The following MRM1 variants were observed in gnomAD, a reference collection of about 807,000 sequenced individuals.
MRM1 encodes rRNA methyltransferase 1, mitochondrial.
MRM1 carries 24 observed loss-of-function variants against 25.0 expected under a neutral mutation model. The observed-to-expected ratio is 0.96, with a 90% CI of 0.69 to 1.35. The LOEUF is 1.35. Among genes scored for constraint, MRM1 ranks in the 40% most tolerant of loss-of-function variants. MRM1 has a pLI of 0.00. For synonymous variants in MRM1, 188 were observed against 199.2 expected (o/e 0.94, Z 0.47); for missense variants, 431 against 464.1 (o/e 0.93, Z 0.65).
the MRM1 span, among the ~76,000 whole-genome samples, chr17:36,630,412 G>A: frequency 1.3e-5 from 2 of 152,156 alleles, no homozygotes; most frequent in Non-Finnish European, 2.9e-5. Context: ...CCGCTTGCCC[G>A]CTCTTTGTCT....
the MRM1 span, among the ~76,000 whole-genome samples, chr17:36,623,588 A>T: frequency 6.6e-6 from 1 of 152,188 alleles, no homozygotes; most frequent in Non-Finnish European, 1.5e-5. Flanking sequence ...TGACCCATTC[A>T]GTTCATCCCT....
the MRM1 span, among the ~76,000 whole-genome samples, chr17:36,625,487 A>G: frequency 1.6e-5 from 1 of 63,958 alleles, no homozygotes; most frequent in East Asian, 2.5e-4. Flanking sequence ...TTTTTTGAGA[A>G]AGAGTCTTAC....
the MRM1 span, among the ~76,000 whole-genome samples, chr17:36,613,965 T>C: frequency 5.9e-5 from 9 of 152,064 alleles, no homozygotes; most frequent in Middle Eastern, 0.01. Flanking sequence ...CTACCTACCA[T>C]GTAGGCTTAA....
chr17:36,629,731 G>A, the MRM1 span, among the ~76,000 whole-genome samples: 1 of 151,710 alleles, frequency 6.6e-6, no homozygotes, highest in Admixed American at 6.6e-5. Context: ...GATGGGGTGG[G>A]GGGGGGCACA....
chr17:36,608,486 G>T lies in MRM1; in HGVS notation c.*71G>T. 8.0e-7 allele frequency: 1 copy of T among 1,247,082 alleles called. No homozygotes were observed. Among genetic ancestry groups the T allele is most frequent in the Non-Finnish European group, 1.1e-6 (1 of 934,184 alleles). The allele number at this position is 1,247,082 out of a possible 1,614,324, so 77.3% of individuals were successfully genotyped here. A position where few individuals can be genotyped will look rare whatever the true frequency, so the allele number is the denominator to read the frequency against. On this transcript the variant is annotated 3_prime_UTR_variant, in exon 5 of 5. Coordinates refer to ENST00000614766, the MANE Select transcript of MRM1 (RefSeq NM_024864.5). ...CACCTGCCTCCGCCGGCTCCAGTGT[G>T]CGGGGAGCCTCTGCCTGAGTGTGCA...
In MRM1 at chr17:36,607,706, G is replaced by T. The variant is rs755056643; in HGVS notation, c.673G>T (p.Val225Leu). The change falls in exon 3 of 5, where the codon GTG becomes TTG. Residue 225 changes from valine (V) to leucine (L), a missense_variant. By Grantham distance (32) the Val-to-Leu change is conservative (BLOSUM62 1). Coordinates refer to ENST00000614766, the MANE Select transcript of MRM1 (RefSeq NM_024864.5). ...AQQGWLVAGT[V>L]GCPSTEDPQS... is the part of the protein sequence containing the mutation. ...GCAGGGCTGGCTCGTGGCCGGCACG[G>T]TGGGCTGCCCAAGCACAGAGGATCC... The T allele has an allele frequency of 6.2e-7, 1 of 1,614,154 alleles. No homozygotes were observed. The highest frequency in any genetic ancestry group is 8.5e-7 in the Non-Finnish European group (1 of 1,180,020).
At position 36,602,086 on chromosome 17, in the gene MRM1, C is replaced by A. The variant is rs1165909910; in HGVS notation, c.276C>A (p.Ala92=). Residue 92 remains alanine, a synonymous_variant, in exon 1 of 5, where the codon GCC becomes GCA. Coordinates refer to ENST00000614766, the MANE Select transcript of MRM1 (RefSeq NM_024864.5). The surrounding 1 kb of genome is among the most constrained non-coding windows in gnomAD (Gnocchi z 4.1). ...AGCGGGCCGAGCTGCTCCGGATGGCCGAGGCGCGGGACATTCCAGTTCTGC... is the reference window on the plus strand; with the variant it reads ...AGCGGGCCGAGCTGCTCCGGATGGCAGAGGCGCGGGACATTCCAGTTCTGC... ...QGKRAELLRM[A]EARDIPVLRP... is the part of the protein sequence containing the mutation. 6.2e-7 allele frequency: 1 copy of A among 1,610,802 alleles called. No homozygotes were observed. The highest frequency in any genetic ancestry group is 8.5e-7 in the Non-Finnish European group (1 of 1,179,660).
chr17:36,603,901 G>GCCC (rs1567846896), intron 2 of MRM1, among the ~76,000 whole-genome samples: 3 of 152,130 alleles, frequency 2.0e-5, no homozygotes, highest in African/African-American at 7.2e-5. Context: ...CCTGATAGGA[G>GCCC]ATGAGGTTCC....
chr17:36,609,732 C>A (rs548072637), downstream of MRM1, among the ~76,000 whole-genome samples: 1 of 152,314 alleles, frequency 6.6e-6, no homozygotes, highest in East Asian at 1.9e-4. Context: ...TCGGTGCCCT[C>A]CTGGGCGAAA....
chr17:36,624,572 G>A, the MRM1 span, among the ~76,000 whole-genome samples: 2 of 152,198 alleles, frequency 1.3e-5, no homozygotes, highest in Non-Finnish European at 2.9e-5. This position sits in a 1 kb window ranked among gnomAD's most constrained non-coding sequence, Gnocchi z 4.0. Flanking sequence ...TGTCATAGGA[G>A]GCCGGTGTCT....
the MRM1 span, among the ~76,000 whole-genome samples, chr17:36,622,203 C>G: frequency 2.0e-5 from 3 of 152,124 alleles, no homozygotes; most frequent in Admixed American, 2.0e-4. Flanking sequence ...CCTCCTGCCC[C>G]CTCCTGTCCC....
At chr17:36,623,771 G>A in the MRM1 span, among the ~76,000 whole-genome samples, 1 of 152,144 alleles carries the variant, frequency 6.6e-6, no homozygotes, top group Non-Finnish European at 1.5e-5. Context: ...TGGGATTGGG[G>A]GAGAGTGGCT....
At chr17:36,625,839 CAATCTGTAGGCTTT>C in the MRM1 span, among the ~76,000 whole-genome samples, 1 of 152,062 alleles carries the variant, frequency 6.6e-6, no homozygotes, top group Non-Finnish European at 1.5e-5. Context: ...CAACACCTGA[CAATCTGTAGGCTTT>C]TATTGGATCA....
chr17:36,626,766 G>C, the MRM1 span, among the ~76,000 whole-genome samples: 2 of 152,224 alleles, frequency 1.3e-5, no homozygotes, highest in Admixed American at 6.5e-5. Context: ...CTAAGGCTTA[G>C]AGCAAATTTG....
In MRM1 at chr17:36,602,514, A is replaced by T; in HGVS notation, c.543-39A>T. ...GGGAGGGTAGGGAGCCGGGCTTGAG[A>T]TGGCCCAGCCTAATGCGGGGAACGG... On this transcript the variant is annotated intron_variant, in intron 1 of 4. Transcript: ENST00000614766. This position sits in a 1 kb window ranked among gnomAD's most constrained non-coding sequence, Gnocchi z 4.1. 6.2e-7 allele frequency: 1 copy of T among 1,612,782 alleles called. No homozygotes were observed.
the MRM1 span, among the ~76,000 whole-genome samples, chr17:36,628,584 A>G: frequency 6.6e-6 from 1 of 152,090 alleles, no homozygotes; most frequent in Admixed American, 6.6e-5. Context: ...CGAGACCAAG[A>G]GAATGATGGA....
the MRM1 span, among the ~76,000 whole-genome samples, chr17:36,625,098 G>A: frequency 6.6e-6 from 1 of 152,200 alleles, no homozygotes; most frequent in Non-Finnish European, 1.5e-5. Flanking sequence ...CAGAAGTGCT[G>A]CTCTTGTTAG....
the MRM1 span, among the ~76,000 whole-genome samples, chr17:36,621,805 A>G: frequency 6.6e-6 from 1 of 151,718 alleles, no homozygotes; most frequent in African/African-American, 2.4e-5. Flanking sequence ...ATGTGGCAAG[A>G]CCCTGGGTAT....
intron 2 of MRM1, 38 bp from the exon 3 acceptor site, chr17:36,607,632 A>T (rs781359633): frequency 4.4e-6 from 7 of 1,578,042 alleles, no homozygotes; most frequent in African/African-American, 1.4e-5. Context: ...AAATTAAAAT[A>T]AAAAAAGAAT....
Sources: allele counts gnomAD v4.1 joint callset (sites outside exome capture counted in the v4.1 genomes callset), GRCh38; gene constraint gnomAD v4.1.1; non-coding constraint Gnocchi (gnomAD v3.1); transcripts MANE v1.5; gene names NCBI Gene and HGNC (gene_info 2026-07-23, HGNC 2026-07-21).